PIWIL4: variants seen among roughly 807,000 people sequenced by gnomAD.
PIWIL4 encodes the protein piwi like RNA-mediated gene silencing 4, also known as piwi-like protein 4.
In PIWIL4, 50 loss-of-function variants were observed where a neutral mutation model predicts 100.9. That is an observed-to-expected ratio of 0.50 (90% CI 0.39 to 0.63). The LOEUF is 0.63. Ranked by LOEUF, PIWIL4 falls within the 20% of genes least tolerant of loss-of-function variation. PIWIL4 has a pLI of 0.00. For missense variants in PIWIL4, 887 were observed against 1,043.3 expected (o/e 0.85, Z 2.06); for synonymous variants, 342 against 367.5 (o/e 0.93, Z 0.79).
intron 15 of PIWIL4, among the ~76,000 whole-genome samples, chr11:94,611,862 C>A (rs766967966): frequency 7.9e-5 from 12 of 152,124 alleles, no homozygotes; most frequent in Non-Finnish European, 1.5e-4. Flanking sequence ...TAAGACCATG[C>A]GTCAAATAAA....
intron 1 of PIWIL4, chr11:94,567,827 G>T: frequency 8.6e-7 from 1 of 1,157,576 alleles, no homozygotes; most frequent in Non-Finnish European, 1.1e-6. Flanking sequence ...CAGTAAAGAG[G>T]ACTGAAGATT....
At chr11:94,568,109 A>G (rs932552998) in intron 1 of PIWIL4, among the ~76,000 whole-genome samples, 2 of 151,542 alleles carry the variant, frequency 1.3e-5, no homozygotes, top group East Asian at 3.9e-4. Flanking sequence ...GGGTGATGTT[A>G]TTAATACAAC....
intron 4 of PIWIL4, among the ~76,000 whole-genome samples, chr11:94,582,398 T>TC (rs1188968749): frequency 7.0e-6 from 1 of 142,186 alleles, no homozygotes; most frequent in Non-Finnish European, 1.5e-5. Flanking sequence ...AAATCTTACA[T>TC]CCCTGTGAAA....
intron 2 of PIWIL4, among the ~76,000 whole-genome samples, chr11:94,574,613 C>T (rs1433320960): frequency 1.3e-5 from 2 of 152,264 alleles, no homozygotes; most frequent in East Asian, 3.9e-4. Context: ...GATCCTCCCA[C>T]CTCAGCCCAG....
chr11:94,569,695 C>T (rs1948122445), intron 2 of PIWIL4, among the ~76,000 whole-genome samples: 1 of 151,924 alleles, frequency 6.6e-6, no homozygotes, highest in Non-Finnish European at 1.5e-5. Context: ...ATTATCTTAA[C>T]TGAAATAACT....
chr11:94,598,862 C>G (rs1410792771), intron 11 of PIWIL4, among the ~76,000 whole-genome samples: 6 of 152,056 alleles, frequency 3.9e-5, no homozygotes, highest in African/African-American at 7.2e-5. Context: ...CGTGCGCCAC[C>G]ATGCTCAGCT....
intron 19 of PIWIL4, among the ~76,000 whole-genome samples, chr11:94,620,407 T>C (rs1423401683): frequency 6.6e-6 from 1 of 152,208 alleles, no homozygotes; most frequent in Non-Finnish European, 1.5e-5. Context: ...GTTATATACA[T>C]TATCTTATGC....
At chr11:94,577,675 A>G (rs747290023) in intron 4 of PIWIL4, among the ~76,000 whole-genome samples, 183 bp downstream of exon 4, 8 of 152,258 alleles carry the variant, frequency 5.3e-5, no homozygotes, top group Non-Finnish European at 7.3e-5. Flanking sequence ...AGGTCAAGAC[A>G]CTTTTATAAG....
intron 15 of PIWIL4, among the ~76,000 whole-genome samples, chr11:94,610,504 T>C (rs1948777025): frequency 6.6e-6 from 1 of 152,124 alleles, no homozygotes; most frequent in South Asian, 2.1e-4. Flanking sequence ...TTCTCCCTAA[T>C]ATTTATCTTC....
chr11:94,582,169 C>A (rs1423602647), intron 4 of PIWIL4, among the ~76,000 whole-genome samples: 1 of 151,994 alleles, frequency 6.6e-6, no homozygotes, highest in Non-Finnish European at 1.5e-5. Flanking sequence ...AAATGCAGTT[C>A]CTGAGACCAT....
chr11:94,619,723 TTGAG>T, intron 17 of PIWIL4, 33 bp from the exon 18 acceptor site: 2 of 1,590,796 alleles, frequency 1.3e-6, no homozygotes, highest in Non-Finnish European at 1.7e-6. Context: ...ATAGATTGGA[TTGAG>T]TTCTTTTCAT....
At chr11:94,582,344 T>C (rs565133466) in intron 4 of PIWIL4, among the ~76,000 whole-genome samples, 1 of 152,346 alleles carries the variant, frequency 6.6e-6, no homozygotes, top group South Asian at 2.1e-4. Flanking sequence ...TGTCCACCTC[T>C]GATTTCTGTA....
intron 13 of PIWIL4, among the ~76,000 whole-genome samples, chr11:94,606,880 C>T (rs1175304964): frequency 6.6e-6 from 1 of 151,654 alleles, no homozygotes; most frequent in African/African-American, 2.4e-5. Flanking sequence ...CTATCCACCC[C>T]CCACTCATAT....
At chr11:94,593,019 C>G (rs142771982) in intron 8 of PIWIL4, among the ~76,000 whole-genome samples, 4 of 152,164 alleles carry the variant, frequency 2.6e-5, no homozygotes, top group Admixed American at 1.3e-4. Context: ...GCTGCTTCCC[C>G]GTAACATCCT....
In PIWIL4 at chr11:94,621,118, A is replaced by G. The variant is rs1056570807; in HGVS notation, c.*126A>G. The G allele has an allele frequency of 2.0e-5, 12 of 609,766 alleles. No homozygotes were observed. The highest frequency in any genetic ancestry group is 3.4e-5 in the Non-Finnish European group (12 of 354,592). The allele number at this position is 609,766 out of a possible 1,614,324, so 37.8% of individuals were successfully genotyped here. On this transcript the variant is annotated 3_prime_UTR_variant, in exon 20 of 20. Transcript: ENST00000299001. ...ATTGAGCTTAGTTTTCATGTCTAGG[A>G]AAAAAAGCAAAACAACTTAATCTGA...
rs770829520 is a variant in PIWIL4 at position 94,577,384 on chromosome 11, A to T, written c.405A>T (p.Ala135=). 1.2e-6 allele frequency: 2 copies of T among 1,614,080 alleles called. No individual in the cohort carries two copies. The highest frequency in any genetic ancestry group is 8.5e-7 in the Non-Finnish European group (1 of 1,179,944). ...QYHVTYIPDL[A]SRRLRIALLY... is the part of the protein sequence containing the mutation. ...ATGTGACATATATTCCAGATTTAGC[A>T]TCTAGAAGGCTGAGAATTGCTTTAC... The change falls in exon 4 of 20, where the codon GCA becomes GCT. Residue 135 remains alanine, a synonymous_variant. Coordinates refer to ENST00000299001, the MANE Select transcript of PIWIL4 (RefSeq NM_152431.3).
intron 11 of PIWIL4, 64 bp from the exon 12 acceptor site, chr11:94,601,731 G>A: frequency 6.5e-7 from 1 of 1,546,394 alleles, no homozygotes; most frequent in South Asian, 1.1e-5. Flanking sequence ...TCTTCACACT[G>A]TCTTTATTTA....
intron 10 of PIWIL4, among the ~76,000 whole-genome samples, chr11:94,596,342 AGT>A (rs1948558984): frequency 2.6e-5 from 4 of 151,920 alleles, no homozygotes; most frequent in Middle Eastern, 3.4e-3. Context: ...GAGAGAAAAG[AGT>A]GTGTATGTGT....
chr11:94,590,115 G>C (rs745427659), intron 8 of PIWIL4, among the ~76,000 whole-genome samples: 9 of 152,098 alleles, frequency 5.9e-5, no homozygotes, highest in Non-Finnish European at 1.0e-4. Context: ...ACACTTTCAG[G>C]AAAAGCTCTT....
Sources: gnomAD v4.1 joint callset for allele counts (sites outside exome capture counted in the v4.1 genomes callset) on GRCh38, gnomAD v4.1.1 for gene constraint, MANE v1.5 for transcripts, NCBI Gene and HGNC (gene_info 2026-07-23, HGNC 2026-07-21) for gene names.